The following PCDHGA4 variants were observed in gnomAD, a reference collection of about 807,000 sequenced individuals.
PCDHGA4 encodes protocadherin gamma-A4.
In PCDHGA4, 38 loss-of-function variants were observed where a neutral mutation model predicts 54.6. That is an observed-to-expected ratio of 0.70 (90% CI 0.54 to 0.91). The LOEUF is 0.91. Ranked by LOEUF, PCDHGA4 falls within the 40% of genes least tolerant of loss-of-function variation. The pLI is 0.00. For synonymous variants in PCDHGA4, 511 were observed against 512.9 expected, an observed-to-expected ratio of 1.00 and a Z score of 0.05; for missense variants, 1,298 against 1,220.9, an observed-to-expected ratio of 1.06 and a Z score of -0.94.
intron 1 of PCDHGA4, among the ~76,000 whole-genome samples, chr5:141,488,238 C>T (rs374846692): frequency 5.3e-5 from 8 of 152,036 alleles, no homozygotes; most frequent in Non-Finnish European, 1.0e-4. Flanking sequence ...GAACTAGATG[C>T]GGTAAATTGG....
At position 141,485,326 on chromosome 5, in the gene PCDHGA4, T is replaced by C. The variant is rs2154580391; in HGVS notation, c.2515-9481T>C. On this transcript the variant is annotated intron_variant, in intron 1 of 3. Coordinates refer to ENST00000571252, the MANE Select transcript of PCDHGA4 (RefSeq NM_018917.4). This position sits in a 1 kb window ranked among gnomAD's most constrained non-coding sequence, Gnocchi z 5.7. ...CTTTTGTAGGGAATGTCGCTCAAGATTTCCTGCTGGATACGGACAGTCTGT... is the reference window on the plus strand; with the variant it reads ...CTTTTGTAGGGAATGTCGCTCAAGACTTCCTGCTGGATACGGACAGTCTGT... 1 of 1,614,106 alleles carries C rather than the reference T, an allele frequency of 6.2e-7. No homozygotes were observed. The highest frequency in any genetic ancestry group is 1.7e-5 in the Admixed American group (1 of 60,028).
chr5:141,459,557 A>G (rs1052669136), intron 1 of PCDHGA4, among the ~76,000 whole-genome samples: 1 of 152,224 alleles, frequency 6.6e-6, no homozygotes, highest in East Asian at 1.9e-4. Context: ...TCTTGGATAA[A>G]TACCCCAAAA....
intron 1 of PCDHGA4, chr5:141,384,574 C>G (rs1229577686): frequency 1.9e-6 from 3 of 1,614,228 alleles, no homozygotes; most frequent in South Asian, 1.1e-5. Flanking sequence ...GAATGACAAC[C>G]CGCCCGAGAT....
chr5:141,428,361 C>G, intron 1 of PCDHGA4: 2 of 556,764 alleles, frequency 3.6e-6, no homozygotes, highest in Non-Finnish European at 6.6e-6. Context: ...TTTTGGCGGT[C>G]GCCTTGCACC....
intron 1 of PCDHGA4, chr5:141,385,474 T>C (rs554098554): frequency 2.1e-6 from 3 of 1,436,644 alleles, no homozygotes; most frequent in African/African-American, 1.4e-5. Flanking sequence ...GGTGACACTT[T>C]AATATAGAAC....
At chr5:141,392,682 C>T in intron 1 of PCDHGA4, 2 of 1,035,550 alleles carry the variant, frequency 1.9e-6, no homozygotes, top group Non-Finnish European at 2.7e-6. Flanking sequence ...TGGACTGCAG[C>T]GAAACCCGAC....
intron 1 of PCDHGA4, among the ~76,000 whole-genome samples, chr5:141,407,707 G>C (rs894295431): frequency 1.3e-5 from 2 of 151,964 alleles, no homozygotes; most frequent in South Asian, 4.1e-4. Flanking sequence ...TTGAAGGTGG[G>C]GTGATGGCTA....
intron 1 of PCDHGA4, chr5:141,478,227 G>A: frequency 6.2e-7 from 1 of 1,614,104 alleles, no homozygotes; most frequent in Non-Finnish European, 8.5e-7. Context: ...GTTTCTGTGG[G>A]GTTTGTGGTC....
At chr5:141,393,523 A>G in intron 1 of PCDHGA4, 1 of 1,614,018 alleles carries the variant, frequency 6.2e-7, no homozygotes, top group East Asian at 2.2e-5. Flanking sequence ...GATACAAATG[A>G]CAATGCCCCG....
At chr5:141,492,962 C>A (rs1197532146) in intron 1 of PCDHGA4, among the ~76,000 whole-genome samples, 2 of 152,258 alleles carry the variant, frequency 1.3e-5, no homozygotes, top group African/African-American at 2.4e-5. Flanking sequence ...CTATCTGACA[C>A]TCTAACAAGT....
At chr5:141,393,334 C>A in intron 1 of PCDHGA4, 1 of 1,613,960 alleles carries the variant, frequency 6.2e-7, no homozygotes, top group Non-Finnish European at 8.5e-7. Flanking sequence ...CAGCTCAGCC[C>A]CAATCACCAC....
intron 1 of PCDHGA4, chr5:141,385,452 G>A: frequency 6.9e-7 from 1 of 1,446,532 alleles, no homozygotes; most frequent in Non-Finnish European, 9.1e-7. Context: ...GAGTTTACCA[G>A]TTTCCTTCAG....
intron 1 of PCDHGA4, among the ~76,000 whole-genome samples, chr5:141,468,758 C>T (rs929005462): frequency 6.6e-5 from 10 of 151,684 alleles, no homozygotes; most frequent in African/African-American, 2.2e-4. Context: ...CCCAGCTACT[C>T]GGGAGGCTGA....
chr5:141,460,388 G>T (rs1425099375), intron 1 of PCDHGA4, among the ~76,000 whole-genome samples: 1 of 151,774 alleles, frequency 6.6e-6, no homozygotes, highest in East Asian at 1.9e-4. Context: ...TTATAATTTG[G>T]TCTATGAATC....
rs373297942 is a variant in PCDHGA4 at position 141,431,494 on chromosome 5, C to G, written c.2515-63313C>G. ...ACAACGCACCAGCGTTTGCTCAGCCCGAGTACCGCGCGAGCGTTCCGGAGA... is the reference window on the plus strand; with the variant it reads ...ACAACGCACCAGCGTTTGCTCAGCCGGAGTACCGCGCGAGCGTTCCGGAGA... On this transcript the variant is annotated intron_variant, in intron 1 of 3. Transcript: ENST00000571252. This position sits in a 1 kb window ranked among gnomAD's most constrained non-coding sequence, Gnocchi z 4.8. 16 of 1,613,838 alleles carry G rather than the reference C, an allele frequency of 9.9e-6. No individual in the cohort carries two copies. The highest frequency in any genetic ancestry group is 1.4e-5 in the Non-Finnish European group (16 of 1,180,030).
intron 1 of PCDHGA4, chr5:141,390,918 T>G (rs997224874): frequency 5.2e-5 from 8 of 152,550 alleles, no homozygotes; most frequent in Non-Finnish European, 1.2e-4. Flanking sequence ...GAAAAAGGTC[T>G]ACTATGCTCA....
At chr5:141,360,499 A>G in intron 1 of PCDHGA4, 2 of 1,613,976 alleles carry the variant, frequency 1.2e-6, no homozygotes, top group Non-Finnish European at 1.7e-6. Flanking sequence ...CATAGCAGTA[A>G]TTGTGCAGGA....
In PCDHGA4 at chr5:141,361,967, C is replaced by T; in HGVS notation, c.2514+4346C>T. The T allele has an allele frequency of 6.2e-7, 1 of 1,601,694 alleles. No homozygotes were observed. Among genetic ancestry groups the T allele is most frequent in the Admixed American group, 1.7e-5 (1 of 59,418 alleles). On this transcript the variant is annotated intron_variant, in intron 1 of 3. Transcript: ENST00000571252. ...TGGCTGTCCTACCACGTGCTGCAGG[C>T]CAGCGAGCCCGGGCTCTTCAGCCTG...
In PCDHGA4 at chr5:141,364,194, C is replaced by T. The variant is rs189249749; in HGVS notation, c.2514+6573C>T. The T allele has an allele frequency of 6.4e-5, 68 of 1,068,708 alleles. No homozygotes were observed. The Admixed American group carries it at 2.2e-3, about 35-fold the overall frequency. The allele number at this position is 1,068,708 out of a possible 1,614,324, so 66.2% of individuals were successfully genotyped here. A position where few individuals can be genotyped will look rare whatever the true frequency, so the allele number is the denominator to read the frequency against. On this transcript the variant is annotated intron_variant, in intron 1 of 3. Transcript: ENST00000571252. ...CTCTGCTCCCTCCATACTAAACACA[C>T]AGACCAGACAAGCTCCTACGAAAAG...
Sources: allele counts gnomAD v4.1 joint callset (sites outside exome capture counted in the v4.1 genomes callset), GRCh38; gene constraint gnomAD v4.1.1; non-coding constraint Gnocchi (gnomAD v3.1); transcripts MANE v1.5; gene names NCBI Gene and HGNC (gene_info 2026-07-23, HGNC 2026-07-21).